Variants in CEP250 observed in about 807,000 individuals in gnomAD.
CEP250 encodes centrosome-associated protein CEP250.
A neutral mutation model predicts 315.7 loss-of-function variants in CEP250; 242 were observed. The ratio of observed to expected loss-of-function variants is 0.77; its 90% CI spans 0.69 to 0.85. The LOEUF (loss-of-function observed/expected upper bound fraction) is 0.85. Among genes scored for constraint, CEP250 ranks in the 40% least tolerant of loss-of-function variants. The pLI is 0.00. For synonymous variants in CEP250, 1,088 were observed against 1,175.0 expected (o/e 0.93, Z 1.51); for missense variants, 2,515 against 2,886.4 (o/e 0.87, Z 2.95).
chr20:35,500,321 G>A, intron 28 of CEP250, 152 bp downstream of exon 28: 4 of 1,005,674 alleles, frequency 4.0e-6, no homozygotes, highest in Admixed American at 2.7e-5. Context: ...TGAGTACAAT[G>A]TCACGACTTC....
In CEP250 at chr20:35,512,752, T is replaced by G. The variant is rs759648083; in HGVS notation, c.*1126T>G. On this transcript the variant is annotated 3_prime_UTR_variant, in exon 35 of 35. Transcript: ENST00000397527. Reference sequence around the variant, plus strand: ...TCCTGTCTTCCAAGCTGGAGTGCAGTGGCACAATCACATCTTACTGCAGCC... The same window carrying G: ...TCCTGTCTTCCAAGCTGGAGTGCAGGGGCACAATCACATCTTACTGCAGCC... The G allele has an allele frequency of 1.3e-5, 2 of 152,258 alleles. No individual in the cohort carries two copies. Among genetic ancestry groups the G allele is most frequent in the Non-Finnish European group, 2.9e-5 (2 of 68,064 alleles). 9.4% of individuals were successfully genotyped at this position (152,258 alleles called of 1,614,324 possible). A position where few individuals can be genotyped will look rare whatever the true frequency, so the allele number is the denominator to read the frequency against.
Position 35,462,272 on chromosome 20 carries a change from GGAGGTTGAA to G in CEP250, c.-94_-86del. ...ATGTGCTTTGGTCCCCAGTTCAAGA[GGAGGTTGAA>G]GTGGCATGGCAATGGTTAGAGACCC... On this transcript the variant is annotated 5_prime_UTR_variant, in exon 4 of 35. Coordinates refer to ENST00000397527, the MANE Select transcript of CEP250 (RefSeq NM_007186.6). 1 of 905,242 alleles carries G rather than the reference GGAGGTTGAA, an allele frequency of 1.1e-6. No homozygotes were observed. The highest frequency in any genetic ancestry group is 2.7e-5 in the East Asian group (1 of 37,436). The allele number at this position is 905,242 out of a possible 1,614,324, so 56.1% of individuals were successfully genotyped here. A position where few individuals can be genotyped will look rare whatever the true frequency, so the allele number is the denominator to read the frequency against.
Position 35,503,463 on chromosome 20 carries a change from G to A in CEP250, c.5094G>A (p.Glu1698=). The change falls in exon 30 of 35, where the codon GAG becomes GAA. Residue 1698 remains glutamate, a synonymous_variant. Transcript: ENST00000397527. This position sits in a 1 kb window ranked among gnomAD's most constrained non-coding sequence, Gnocchi z 4.2. ...TGTCCTTGAGAGAGCGAGGCCGGGA[G>A]CTGACCACTCAGAGGCAGCTGATGC... ...IKLSLRERGR[E]LTTQRQLMQE... The A allele has an allele frequency of 6.2e-7, 1 of 1,614,180 alleles. No individual in the cohort carries two copies. Among genetic ancestry groups the A allele is most frequent in the Non-Finnish European group, 8.5e-7 (1 of 1,180,032 alleles).
rs1374610972 is a variant in CEP250, at chr20:35,512,644, C to T, written c.*1018C>T. On this transcript the variant is annotated 3_prime_UTR_variant, in exon 35 of 35. Transcript: ENST00000397527. ...GGTCCTAGTGGAGGCTGGACAGAAC[C>T]CAGCTCACAGGCTTAAGACCTATTG... The T allele has an allele frequency of 6.6e-6, 1 of 152,168 alleles. No individual in the cohort carries two copies. The allele number at this position is 152,168 out of a possible 1,614,324, so 9.4% of individuals were successfully genotyped here.
chr20:35,516,350 G>C lies in CEP250; in HGVS notation c.*4724G>C, dbSNP rs2147264963. 1 of 152,354 alleles carries C rather than the reference G, an allele frequency of 6.6e-6. No homozygotes were observed. Among genetic ancestry groups the C allele is most frequent in the African/African-American group, 2.4e-5 (1 of 41,584 alleles). The allele number at this position is 152,354 out of a possible 1,614,324, so 9.4% of individuals were successfully genotyped here. ...ACATTGCCCTTGCACCTCCTGTCTT[G>C]GTTTCCTATCAAAACCTCTCCCGTA... On this transcript the variant is annotated 3_prime_UTR_variant, in exon 35 of 35. Coordinates refer to ENST00000397527, the MANE Select transcript of CEP250 (RefSeq NM_007186.6).
intron 13 of CEP250, 23 bp from the exon 14 acceptor site, chr20:35,473,847 C>G (rs562659717): frequency 6.3e-7 from 1 of 1,598,766 alleles, no homozygotes; most frequent in Admixed American, 1.8e-5. Flanking sequence ...GGTCTCTGCT[C>G]ATCTCTGATT....
intron 4 of CEP250, 111 bp from the exon 5 acceptor site, chr20:35,463,464 C>T: frequency 1.2e-6 from 1 of 803,852 alleles, no homozygotes; most frequent in Non-Finnish European, 1.9e-6. Context: ...TTACTGTCAC[C>T]ACCCATTTCC....
chr20:35,479,184 G>A (rs2063265332), intron 17 of CEP250, 47 bp from the exon 18 acceptor site: 1 of 1,581,390 alleles, frequency 6.3e-7, no homozygotes, highest in Non-Finnish European at 8.6e-7. Flanking sequence ...AGCGGCCCCA[G>A]GGGAATCCAG....
rs781137309 is a variant in CEP250, at chr20:35,502,639, GC to G, written c.4273del (p.Leu1425SerfsTer2). The G allele has an allele frequency of 4.3e-5, 70 of 1,614,146 alleles. No individual in the cohort carries two copies. The highest frequency in any genetic ancestry group is 5.8e-5 in the Non-Finnish European group (69 of 1,180,064). ...AQGKALQENLALLTQTLAERE... is the reference protein window; with the variant it reads ...AQGKALQENLXLLTQTLAERE... ...AGGGAAGGCTCTGCAAGAGAATTTGGCCCTCCTGACCCAGACCCTAGCTGAA... is the reference window on the plus strand; with the variant it reads ...AGGGAAGGCTCTGCAAGAGAATTTGGCCTCCTGACCCAGACCCTAGCTGAA... On this transcript the variant is annotated frameshift_variant, in exon 30 of 35. Transcript: ENST00000397527. LOFTEE classifies it high-confidence loss of function.
At chr20:35,456,773 A>G (rs1395204781) in intron 1 of CEP250, among the ~76,000 whole-genome samples, 1 of 147,974 alleles carries the variant, frequency 6.8e-6, no homozygotes, top group Non-Finnish European at 1.5e-5. Flanking sequence ...TATAAGTTAT[A>G]TGCCTCCCCC....
In CEP250 at chr20:35,502,584, G is replaced by T; in HGVS notation, c.4215G>T (p.Leu1405=). 6.2e-7 allele frequency: 1 copy of T among 1,614,254 alleles called. No homozygotes were observed. Among genetic ancestry groups the T allele is most frequent in the Non-Finnish European group, 8.5e-7 (1 of 1,180,048 alleles). Residue 1405 remains leucine (L), a synonymous_variant, in exon 30 of 35, where the codon CTG becomes CTT. Transcript: ENST00000397527. ...GTGAGCGTGAGAGAGCCCAGGCTCT[G>T]CAAGAGCAGGGCGAACTGAAGGTGG... ...VESERERAQA[L]QEQGELKVAQ...
intron 8 of CEP250, 53 bp downstream of exon 8, chr20:35,467,125 A>G: frequency 1.7e-6 from 2 of 1,156,816 alleles, no homozygotes; most frequent in South Asian, 2.4e-5. Context: ...TTCTGGACTA[A>G]TAACAGTGGG....
At chr20:35,470,667 C>T (rs1050490953) in intron 10 of CEP250, among the ~76,000 whole-genome samples, 1 of 152,180 alleles carries the variant, frequency 6.6e-6, no homozygotes, top group Non-Finnish European at 1.5e-5. Flanking sequence ...GCAGGAGAAT[C>T]ACTTGAACCT....
chr20:35,498,219 A>T (rs938999916), intron 26 of CEP250, 152 bp downstream of exon 26: 4 of 695,976 alleles, frequency 5.7e-6, no homozygotes, highest in African/African-American at 1.8e-5. Flanking sequence ...CCCCAGCTCT[A>T]CCATTTGCTA....
Position 35,480,044 on chromosome 20 carries a change from G to C in CEP250, c.2485G>C (p.Ala829Pro). ...TCAGGCAGAGCAGGAGCGGGATGCT[G>C]CAGCCAGACAGCTGGCCCAGGCTGA... Reference protein sequence around the residue: ...RSQAEQERDAAARQLAQAEQE... With the variant: ...RSQAEQERDAPARQLAQAEQE... The change falls in exon 20 of 35, where the codon GCA (alanine) becomes CCA (proline). Residue 829 changes from alanine (A) to proline (P), a missense_variant. Coordinates refer to ENST00000397527, the MANE Select transcript of CEP250 (RefSeq NM_007186.6). 6.2e-7 allele frequency: 1 copy of C among 1,613,448 alleles called. No homozygotes were observed. Among genetic ancestry groups the C allele is most frequent in the Non-Finnish European group, 8.5e-7 (1 of 1,180,034 alleles).
Position 35,511,707 on chromosome 20 carries a change from A to G in CEP250, c.*81A>G. On this transcript the variant is annotated 3_prime_UTR_variant, in exon 35 of 35. Coordinates refer to ENST00000397527, the MANE Select transcript of CEP250 (RefSeq NM_007186.6). ...CGCACACCTACAGGTTTGCCAAAGG[A>G]AAAGCCTGGCTCTGTTAGGCACCCA... 1 of 1,497,984 alleles carries G rather than the reference A, an allele frequency of 6.7e-7. No homozygotes were observed. The highest frequency in any genetic ancestry group is 2.3e-5 in the East Asian group (1 of 43,038). 92.8% of individuals were successfully genotyped at this position (1,497,984 alleles called of 1,614,324 possible).
At position 35,497,933 on chromosome 20, in the gene CEP250, ACCAGGC is replaced by A. The variant is rs561035032; in HGVS notation, c.3538_3543del (p.Ala1180_Gln1181del). Reference sequence around the variant, plus strand: ...CTGGCCGCAGAGCAGCAGCCCGGGAACCAGGCCCAGGCCCAGGCCCAGCTGGCCAGC... The same window carrying A: ...CTGGCCGCAGAGCAGCAGCCCGGGAACCAGGCCCAGGCCCAGCTGGCCAGC... On this transcript the variant is annotated inframe_deletion, in exon 26 of 35. Transcript: ENST00000397527. 429 of 1,611,852 alleles carry A rather than the reference ACCAGGC, an allele frequency of 2.7e-4. 3 individuals carry two copies. The African/African-American group carries it at 5.1e-3, about 19-fold the overall frequency.
chr20:35,470,174 A>C lies in CEP250; in HGVS notation c.948+188A>C, dbSNP rs529689683. On this transcript the variant is annotated intron_variant, in intron 10 of 34. Coordinates refer to ENST00000397527, the MANE Select transcript of CEP250 (RefSeq NM_007186.6). The stretch of plus-strand genomic sequence containing the variant: ...TTTATTCATTGAATAAATACTATTG[A>C]CTGTCTACTATCCCTACTGTATTCC... The C allele has an allele frequency of 7.3e-4, 450 of 615,966 alleles. 10 individuals carry two copies. In the South Asian group the frequency reaches 8.6e-3, roughly 12 times the overall value. The allele number at this position is 615,966 out of a possible 1,614,324, so 38.2% of individuals were successfully genotyped here. A position where few individuals can be genotyped will look rare whatever the true frequency, so the allele number is the denominator to read the frequency against.
Position 35,508,983 on chromosome 20 carries a change from G to C in CEP250, c.6947G>C (p.Arg2316Pro), listed in dbSNP as rs1395653456. The C allele has an allele frequency of 1.9e-6, 3 of 1,557,960 alleles. No homozygotes were observed. The highest frequency in any genetic ancestry group is 1.9e-5 in the Admixed American group (1 of 51,930). The change falls in exon 33 of 35, where the codon CGT becomes CCT. Residue 2316 changes from arginine to proline, a missense_variant. Coordinates refer to ENST00000397527, the MANE Select transcript of CEP250 (RefSeq NM_007186.6). ...AGGAAGCTGAAGAGGGAGGCCATGC[G>C]TGCGGCCCAGGCAGGGTCCCTAGAG... is the stretch of plus-strand genomic sequence containing the variant. The part of the protein sequence containing the change: ...ERRKLKREAM[R>P]AAQAGSLEIS...
Sources: allele counts gnomAD v4.1 joint callset (sites outside exome capture counted in the v4.1 genomes callset), GRCh38; gene constraint gnomAD v4.1.1; non-coding constraint Gnocchi (gnomAD v3.1); transcripts MANE v1.5; gene names NCBI Gene and HGNC (gene_info 2026-07-23, HGNC 2026-07-21).